Variants in CACNB2 observed in about 807,000 individuals in gnomAD.
CACNB2 encodes the protein voltage-dependent L-type calcium channel subunit beta-2.
CACNB2 carries 42 observed loss-of-function variants against 73.3 expected under a neutral mutation model. That is an observed-to-expected ratio of 0.57 (90% CI 0.45 to 0.74). CACNB2 has a LOEUF of 0.74. Ranked by LOEUF, CACNB2 falls within the 30% of genes least tolerant of loss-of-function variation. The pLI is 0.00. For synonymous variants in CACNB2, 348 were observed against 310.3 expected, an observed-to-expected ratio of 1.12 and a Z score of -1.28; for missense variants, 940 against 853.0, an observed-to-expected ratio of 1.10 and a Z score of -1.27.
At chr10:18,419,081 A>T (rs1179672258) in intron 3 of CACNB2, among the ~76,000 whole-genome samples, 2 of 152,226 alleles carry the variant, frequency 1.3e-5, no homozygotes, top group Non-Finnish European at 2.9e-5. Flanking sequence ...CCCAGGCAGA[A>T]TTAAAGGAGA....
chr10:18,433,124 GATATAT>G (rs68101548), intron 3 of CACNB2, among the ~76,000 whole-genome samples: 2 of 148,486 alleles, frequency 1.3e-5, no homozygotes, highest in East Asian at 2.0e-4. Flanking sequence ...TGCGTGTATT[GATATAT>G]ATATATATAT....
chr10:18,401,503 T>G (rs1292859427), intron 2 of CACNB2, among the ~76,000 whole-genome samples: 1 of 152,188 alleles, frequency 6.6e-6, no homozygotes, highest in East Asian at 1.9e-4. Flanking sequence ...AGTTCAAGTT[T>G]ATAACTCAGA....
At chr10:18,246,885 T>G (rs1399228156) in intron 2 of CACNB2, among the ~76,000 whole-genome samples, 2 of 152,324 alleles carry the variant, frequency 1.3e-5, no homozygotes, top group East Asian at 3.9e-4. Flanking sequence ...GTGCTGGAAT[T>G]ACAGGCATGA....
intron 3 of CACNB2, among the ~76,000 whole-genome samples, chr10:18,413,070 A>C (rs561564483): frequency 1.3e-5 from 2 of 152,318 alleles, no homozygotes; most frequent in African/African-American, 4.8e-5. Flanking sequence ...CCCCGGGTTC[A>C]AGTCGTTCTC....
intron 2 of CACNB2, among the ~76,000 whole-genome samples, chr10:18,195,599 G>T (rs889488825): frequency 6.6e-5 from 10 of 152,346 alleles, no homozygotes; most frequent in Admixed American, 2.0e-4. Flanking sequence ...AGAGAGATGC[G>T]CAGCAATGCT....
chr10:18,451,287 A>G (rs2047010140), intron 3 of CACNB2, among the ~76,000 whole-genome samples: 2 of 152,314 alleles, frequency 1.3e-5, no homozygotes, highest in South Asian at 2.1e-4. Context: ...GTTTAATCTT[A>G]TAAATACCCA....
Position 18,498,403 on chromosome 10 carries a change from G to A in CACNB2, c.382G>A (p.Ala128Thr), listed in dbSNP as rs1433637198. ...TCGGACAAATGTCAGCTACAGTGCG[G>A]CCCATGAAGATGATGTTCCAGTGCC... Reference protein sequence around the residue: ...AVRTNVSYSAAHEDDVPVPGM... With the variant: ...AVRTNVSYSATHEDDVPVPGM... Residue 128 changes from alanine to threonine, a missense_variant, in exon 4 of 14, where the codon GCC becomes ACC. Ala to Thr is a moderately conservative substitution (Grantham distance 58). Transcript: ENST00000324631. 8 of 1,614,132 alleles carry A rather than the reference G, an allele frequency of 5.0e-6. No individual in the cohort carries two copies. Among genetic ancestry groups the A allele is most frequent in the East Asian group, 4.5e-5 (2 of 44,878 alleles).
chr10:18,179,286 G>A (rs1235762323), intron 2 of CACNB2, among the ~76,000 whole-genome samples: 1 of 152,154 alleles, frequency 6.6e-6, no homozygotes, highest in African/African-American at 2.4e-5. Context: ...CTTGCTATCT[G>A]AGAAATTGTT....
At chr10:18,339,319 G>A (rs1023517461) in intron 2 of CACNB2, among the ~76,000 whole-genome samples, 4 of 151,996 alleles carry the variant, frequency 2.6e-5, no homozygotes, top group Admixed American at 1.3e-4. Flanking sequence ...TCAGGAGTTC[G>A]AGACTAGCCT....
chr10:18,393,422 C>G (rs2043575837), intron 2 of CACNB2, among the ~76,000 whole-genome samples: 1 of 152,186 alleles, frequency 6.6e-6, no homozygotes, highest in African/African-American at 2.4e-5. Flanking sequence ...AAATATTGAG[C>G]AGAGGCTCTT....
intron 2 of CACNB2, among the ~76,000 whole-genome samples, chr10:18,285,920 T>C (rs966302677): frequency 1.3e-5 from 2 of 152,238 alleles, no homozygotes; most frequent in Non-Finnish European, 2.9e-5. Context: ...TGGTGAAGCC[T>C]ACGGAAGTCT....
chr10:18,389,429 G>A (rs2043370308), intron 2 of CACNB2, among the ~76,000 whole-genome samples: 1 of 152,190 alleles, frequency 6.6e-6, no homozygotes, highest in Admixed American at 6.5e-5. Context: ...ATGAGTCACT[G>A]TGCCTTGCCT....
At chr10:18,219,158 C>G (rs896314424) in intron 2 of CACNB2, among the ~76,000 whole-genome samples, 10 of 150,180 alleles carry the variant, frequency 6.7e-5, no homozygotes, top group Non-Finnish European at 1.2e-4. Context: ...GAGCAAGACC[C>G]TGTCTCAAAG....
chr10:18,233,496 G>A (rs2036304467), intron 2 of CACNB2, among the ~76,000 whole-genome samples: 3 of 150,182 alleles, frequency 2.0e-5, no homozygotes, highest in African/African-American at 7.3e-5. Flanking sequence ...CTTTTTGTTA[G>A]GTTAAAAAAA....
intron 2 of CACNB2, among the ~76,000 whole-genome samples, chr10:18,217,008 T>C (rs7901394): frequency 0.063 from 9,610 of 152,284 alleles, 464 homozygotes; most frequent in African/African-American, 0.12. Flanking sequence ...AAATAGAACC[T>C]TTTTATTCAT....
intron 3 of CACNB2, among the ~76,000 whole-genome samples, chr10:18,423,985 A>AT (rs1241859584): frequency 2.6e-5 from 4 of 151,890 alleles, no homozygotes; most frequent in African/African-American, 4.8e-5. Context: ...TGTCTTCTCA[A>AT]TTTTTTTTGA....
chr10:18,155,647 G>C (rs11012830), intron 2 of CACNB2, among the ~76,000 whole-genome samples: 28,330 of 152,088 alleles, frequency 0.19, 2,833 homozygotes, highest in African/African-American at 0.25. Context: ...TTCCAAGATG[G>C]TTGTACCAGT....
chr10:18,362,985 A>T (rs2042203688), intron 2 of CACNB2, among the ~76,000 whole-genome samples: 1 of 152,160 alleles, frequency 6.6e-6, no homozygotes, highest in Admixed American at 6.5e-5. Flanking sequence ...AAGTGACTTC[A>T]TTAACTCTGG....
intron 13 of CACNB2, among the ~76,000 whole-genome samples, chr10:18,538,685 C>T (rs1041508057): frequency 1.1e-4 from 17 of 152,170 alleles, no homozygotes; most frequent in Non-Finnish European, 1.5e-4. Context: ...CTTAACTGTT[C>T]TTACCTCAGG....
Sources: allele counts gnomAD v4.1 joint callset (sites outside exome capture counted in the v4.1 genomes callset), GRCh38; gene constraint gnomAD v4.1.1; transcripts MANE v1.5; gene names NCBI Gene and HGNC (gene_info 2026-07-23, HGNC 2026-07-21).